Variants in RAPGEF1 observed in about 807,000 individuals in gnomAD.
RAPGEF1 encodes the protein CRK SH3-binding GNRP.
Under a neutral mutation model 143.3 loss-of-function variants are expected in RAPGEF1, and 33 were observed. That is an observed-to-expected ratio of 0.23 (90% CI 0.17 to 0.31). The LOEUF (loss-of-function observed/expected upper bound fraction) is 0.31. Among genes scored for constraint, RAPGEF1 ranks in the 10% least tolerant of loss-of-function variants. The pLI is 1.00. For missense variants in RAPGEF1, 1,199 were observed against 1,645.4 expected, an observed-to-expected ratio of 0.73 and a Z score of 4.69; for synonymous variants, 629 against 676.5, an observed-to-expected ratio of 0.93 and a Z score of 1.09.
intron 12 of RAPGEF1, among the ~76,000 whole-genome samples, chr9:131,605,751 C>G (rs915494651): frequency 7.8e-6 from 1 of 128,642 alleles, no homozygotes; most frequent in Non-Finnish European, 1.6e-5. Context: ...CCATTTTTTT[C>G]TTTCTTTCTT....
chr9:131,652,725 C>CT (rs1175968828), intron 1 of RAPGEF1, among the ~76,000 whole-genome samples: 1 of 152,174 alleles, frequency 6.6e-6, no homozygotes, highest in Non-Finnish European at 1.5e-5. Flanking sequence ...ATAACACCTC[C>CT]TGAAGGATCT....
intron 10 of RAPGEF1, among the ~76,000 whole-genome samples, chr9:131,623,502 C>G (rs1961908444): frequency 1.3e-5 from 2 of 152,208 alleles, no homozygotes; most frequent in African/African-American, 4.8e-5. Flanking sequence ...TTTCTGAACT[C>G]TTGATGTTGA....
At chr9:131,587,921 C>A (rs1369043293) in intron 21 of RAPGEF1, 21 bp downstream of exon 21, 1 of 1,605,446 alleles carries the variant, frequency 6.2e-7, no homozygotes, top group Admixed American at 1.7e-5. Context: ...TGTGGCTCCC[C>A]CTGGCAGGAG....
chr9:131,681,927 G>GAT (rs1429753476), intron 1 of RAPGEF1, among the ~76,000 whole-genome samples: 2 of 152,186 alleles, frequency 1.3e-5, no homozygotes, highest in Non-Finnish European at 2.9e-5. Context: ...GGCTGCTCAG[G>GAT]ATATAGTGTT....
At chr9:131,673,659 T>G (rs1346622513) in intron 1 of RAPGEF1, among the ~76,000 whole-genome samples, 3 of 152,068 alleles carry the variant, frequency 2.0e-5, no homozygotes, top group East Asian at 3.8e-4. Context: ...GACATTCCTA[T>G]CAACTCCATC....
At chr9:131,630,372 A>G in intron 5 of RAPGEF1, 48 bp from the exon 6 acceptor site, 1 of 1,581,162 alleles carries the variant, frequency 6.3e-7, no homozygotes, top group Non-Finnish European at 8.7e-7. Flanking sequence ...GTCACCACTG[A>G]GTTTCCACCA....
Position 131,621,707 on chromosome 9 carries a change from G to A in RAPGEF1, c.1905+89C>T. The A allele has an allele frequency of 7.4e-7, 1 of 1,355,536 alleles. No homozygotes were observed. Among genetic ancestry groups the A allele is most frequent in the Non-Finnish European group, 1.0e-6 (1 of 986,330 alleles). 84.0% of individuals were successfully genotyped at this position (1,355,536 alleles called of 1,614,324 possible). A position where few individuals can be genotyped will look rare whatever the true frequency, so the allele number is the denominator to read the frequency against. On this transcript the variant is annotated intron_variant, in intron 11 of 26. Coordinates refer to ENST00000683357, the MANE Select transcript of RAPGEF1 (RefSeq NM_001377935.1). The surrounding 1 kb of genome is among the most constrained non-coding windows in gnomAD (Gnocchi z 4.5). Reference sequence around the variant, plus strand: ...AGGGCCCTGCCACAGCAGGGAGGAGGGTTAACCCTGCCCCCAAGGAGGGTC... The same window carrying A: ...AGGGCCCTGCCACAGCAGGGAGGAGAGTTAACCCTGCCCCCAAGGAGGGTC...
At chr9:131,604,827 C>T in intron 13 of RAPGEF1, 104 bp downstream of exon 13, 2 of 1,205,166 alleles carry the variant, frequency 1.7e-6, no homozygotes, top group Non-Finnish European at 2.1e-6. Flanking sequence ...AAAGGGGAGG[C>T]AGTGTCTTTC....
chr9:131,579,413 C>T lies in RAPGEF1; in HGVS notation c.*84G>A, dbSNP rs1444395199. 1.7e-5 allele frequency: 26 copies of T among 1,518,800 alleles called. No individual in the cohort carries two copies. Among genetic ancestry groups the T allele is most frequent in the Non-Finnish European group, 2.0e-5 (22 of 1,124,286 alleles). The allele number at this position is 1,518,800 out of a possible 1,614,324, so 94.1% of individuals were successfully genotyped here. A position where few individuals can be genotyped will look rare whatever the true frequency, so the allele number is the denominator to read the frequency against. On this transcript the variant is annotated 3_prime_UTR_variant, in exon 27 of 27. Transcript: ENST00000683357. ...CTCCGAGGCCGGGACTCCTGCCATG[C>T]GCCTAACAGGTCCAAGGTCCTCTCC...
chr9:131,595,710 C>G (rs1955153417), intron 17 of RAPGEF1, among the ~76,000 whole-genome samples: 2 of 152,230 alleles, frequency 1.3e-5, no homozygotes, highest in African/African-American at 4.8e-5. Context: ...CTAGCAGAGT[C>G]CACCCAACAA....
At chr9:131,611,814 T>C (rs1450556205) in intron 12 of RAPGEF1, among the ~76,000 whole-genome samples, 1 of 152,218 alleles carries the variant, frequency 6.6e-6, no homozygotes, top group Non-Finnish European at 1.5e-5. Flanking sequence ...CTACACACTT[T>C]TCTTTTGACC....
intron 22 of RAPGEF1, among the ~76,000 whole-genome samples, chr9:131,586,836 T>C (rs1953046308): frequency 1.7e-5 from 1 of 57,258 alleles, no homozygotes; most frequent in African/African-American, 6.5e-5. Context: ...CGAGACTCCG[T>C]CTCAAACACA....
intron 18 of RAPGEF1, among the ~76,000 whole-genome samples, chr9:131,591,580 A>T (rs552997420): frequency 2.0e-4 from 30 of 151,726 alleles, no homozygotes; most frequent in African/African-American, 7.3e-4. Flanking sequence ...TGGGGACAGG[A>T]GCCCATTCCA....
At position 131,579,612 on chromosome 9, in the gene RAPGEF1, T is replaced by C. The variant is rs773142962; in HGVS notation, c.3677A>G (p.Asn1226Ser). ...GTGGTCACTGAAGTCATTGAAGAAG[T>C]TTATAATGTCGTCGTTCCTCCGCAT... Reference protein sequence around the residue: ...YDMRRNDDIINFFNDFSDHLA... With the variant: ...YDMRRNDDIISFFNDFSDHLA... The change falls in exon 27 of 27, where the codon AAC (asparagine) becomes AGC (serine). Residue 1226 changes from asparagine to serine, a missense_variant. By Grantham distance (46) the Asn-to-Ser change is conservative. Around this residue, in one of 6 missense-constraint regions of RAPGEF1, gnomAD observed 67 missense variants for 105.4 expected, o/e 0.64. Coordinates refer to ENST00000683357, the MANE Select transcript of RAPGEF1 (RefSeq NM_001377935.1). 1.2e-6 allele frequency: 2 copies of C among 1,613,952 alleles called. No individual in the cohort carries two copies. The highest frequency in any genetic ancestry group is 1.7e-6 in the Non-Finnish European group (2 of 1,179,860).
chr9:131,694,146 TAC>T (rs1833971501), intron 1 of RAPGEF1, among the ~76,000 whole-genome samples: 1 of 152,166 alleles, frequency 6.6e-6, no homozygotes, highest in Non-Finnish European at 1.5e-5. Context: ...ACATTTCACC[TAC>T]TTTACTCTGA....
intron 17 of RAPGEF1, among the ~76,000 whole-genome samples, chr9:131,595,742 C>T (rs965892188): frequency 3.9e-5 from 6 of 152,078 alleles, no homozygotes; most frequent in Admixed American, 6.5e-5. Flanking sequence ...GATTAGGGGA[C>T]GGTCCCTGCT....
At chr9:131,652,483 T>C (rs1971317700) in intron 1 of RAPGEF1, among the ~76,000 whole-genome samples, 2 of 152,200 alleles carry the variant, frequency 1.3e-5, no homozygotes, top group African/African-American at 4.8e-5. Context: ...ATTTTCTTTC[T>C]TTATATCCTT....
At chr9:131,714,249 T>C (rs1054412091) in intron 1 of RAPGEF1, among the ~76,000 whole-genome samples, 1 of 151,936 alleles carries the variant, frequency 6.6e-6, no homozygotes, top group Non-Finnish European at 1.5e-5. Flanking sequence ...GGAGTGCCTG[T>C]CCCTACACGC....
chr9:131,586,801 C>A (rs1302122423), intron 22 of RAPGEF1, among the ~76,000 whole-genome samples: 1 of 113,638 alleles, frequency 8.8e-6, no homozygotes, highest in African/African-American at 3.6e-5. Context: ...GTCAAACACA[C>A]ACACACACAC....
Sources: allele counts gnomAD v4.1 joint callset (sites outside exome capture counted in the v4.1 genomes callset), GRCh38; gene constraint gnomAD v4.1.1; regional missense constraint gnomAD v4.1.1; non-coding constraint Gnocchi (gnomAD v3.1); transcripts MANE v1.5; gene names NCBI Gene and HGNC (gene_info 2026-07-23, HGNC 2026-07-21).